PEAK1: variants seen among roughly 807,000 people sequenced by gnomAD.
PEAK1 encodes the protein inactive tyrosine-protein kinase PEAK1.
PEAK1 carries 54 observed loss-of-function variants against 124.7 expected under a neutral mutation model. The observed-to-expected ratio is 0.43, with a 90% confidence interval of 0.35 to 0.54. The LOEUF (loss-of-function observed/expected upper bound fraction) is 0.54, where lower values mean the gene tolerates loss of function less well. PEAK1 is among the 20% of genes least tolerant of loss of function. The pLI is 0.01. For missense variants in PEAK1, 2,046 were observed against 2,134.5 expected, an observed-to-expected ratio of 0.96 and a Z score of 0.82; for synonymous variants, 719 against 760.0, an observed-to-expected ratio of 0.95 and a Z score of 0.89.
chr15:77,317,102 G>T (rs1180472018), intron 2 of PEAK1, among the ~76,000 whole-genome samples: 1 of 151,806 alleles, frequency 6.6e-6, no homozygotes, highest in East Asian at 1.9e-4. Flanking sequence ...TAAATAAGAT[G>T]CAAAACAATA....
At position 77,391,887 on chromosome 15, in the gene PEAK1, T is replaced by C. The variant is rs886965385; in HGVS notation, c.-665-26662A>G. On this transcript the variant is annotated intron_variant, in intron 1 of 9. Transcript: ENST00000682557. The stretch of plus-strand genomic sequence containing the variant: ...TGATCACATACATACTAATATCCGA[T>C]TATTCACCTGTAAGTTCTTAAAAAG... Among the ~76,000 whole-genome samples, 23 of 152,222 alleles carry C rather than the reference T, an allele frequency of 1.5e-4. 1 individual carries two copies. The highest frequency in any genetic ancestry group is 1.4e-3 in the Admixed American group (22 of 15,280).
chr15:77,169,648 A>C (rs1464154851), intron 7 of PEAK1, among the ~76,000 whole-genome samples: 1 of 152,228 alleles, frequency 6.6e-6, no homozygotes, highest in African/African-American at 2.4e-5. Flanking sequence ...GATTAGGCAG[A>C]GAGCTCAATC....
chr15:77,321,412 G>A (rs1252903990), intron 2 of PEAK1, among the ~76,000 whole-genome samples: 1 of 152,212 alleles, frequency 6.6e-6, no homozygotes, highest in African/African-American at 2.4e-5. Context: ...GATGGCCAGT[G>A]ATGATGGGCA....
intron 9 of PEAK1, 30 bp downstream of exon 9, chr15:77,132,975 C>A (rs756119649): frequency 6.3e-7 from 1 of 1,578,886 alleles, no homozygotes; most frequent in Non-Finnish European, 8.6e-7. Flanking sequence ...GTGGTTAAGA[C>A]TTAACATGAG....
intron 2 of PEAK1, among the ~76,000 whole-genome samples, chr15:77,329,307 C>CTCAT (rs962855941): frequency 1.3e-5 from 2 of 152,140 alleles, no homozygotes; most frequent in African/African-American, 4.8e-5. Context: ...TATTACAGGA[C>CTCAT]TCAACCTTAC....
intron 2 of PEAK1, among the ~76,000 whole-genome samples, chr15:77,293,688 G>A (rs538232754): frequency 1.3e-5 from 2 of 152,202 alleles, no homozygotes; most frequent in East Asian, 3.9e-4. Flanking sequence ...GAATGTAAAA[G>A]GTTAACTAAA....
chr15:77,375,639 A>T (rs1050509239), intron 1 of PEAK1, among the ~76,000 whole-genome samples: 14 of 152,212 alleles, frequency 9.2e-5, no homozygotes, highest in Non-Finnish European at 1.8e-4. Flanking sequence ...CAAATGATCA[A>T]AAATTAAGCA....
At chr15:77,240,954 C>G (rs1476777359) in intron 6 of PEAK1, among the ~76,000 whole-genome samples, 1 of 152,072 alleles carries the variant, frequency 6.6e-6, no homozygotes, top group Non-Finnish European at 1.5e-5. Context: ...TTTATGAGAT[C>G]TGCTTCACCA....
intron 2 of PEAK1, among the ~76,000 whole-genome samples, chr15:77,315,135 T>C (rs1385188801): frequency 2.0e-5 from 3 of 152,234 alleles, no homozygotes; most frequent in African/African-American, 4.8e-5. Flanking sequence ...AAGAATTATT[T>C]TGTGTCTCAT....
chr15:77,332,190 T>C (rs1352304136), intron 2 of PEAK1: 1 of 975,572 alleles, frequency 1.0e-6, no homozygotes, highest in African/African-American at 1.8e-5. Context: ...TAAGCTTACA[T>C]TTCTCCTCAC....
At chr15:77,329,907 C>T (rs1294973032) in intron 2 of PEAK1, among the ~76,000 whole-genome samples, 1 of 152,080 alleles carries the variant, frequency 6.6e-6, no homozygotes, top group East Asian at 1.9e-4. Context: ...AATTTCCTTC[C>T]TTGATCAATT....
chr15:77,345,998 C>T (rs1221642495), intron 2 of PEAK1: 2 of 985,120 alleles, frequency 2.0e-6, no homozygotes, highest in Non-Finnish European at 2.4e-6. Context: ...TAAATTAATA[C>T]CTGGGGAAAT....
At chr15:77,252,039 T>G (rs1234341755) in intron 6 of PEAK1, among the ~76,000 whole-genome samples, 1 of 152,254 alleles carries the variant, frequency 6.6e-6, no homozygotes, top group African/African-American at 2.4e-5. Flanking sequence ...CTTTAATTCT[T>G]GCCTTCGCAA....
At chr15:77,116,702 AT>A (rs1280725633) in intron 9 of PEAK1, among the ~76,000 whole-genome samples, 12 of 6,184 alleles carry the variant, frequency 1.9e-3, no homozygotes, top group Admixed American at 4.8e-3. Flanking sequence ...AAATCAATCA[AT>A]CTATCTATCT....
chr15:77,415,958 G>A (rs2072850833), intron 1 of PEAK1, among the ~76,000 whole-genome samples: 2 of 152,184 alleles, frequency 1.3e-5, no homozygotes, highest in African/African-American at 4.8e-5. Context: ...CTCCTTCAGA[G>A]TCCTTTGTTG....
At chr15:77,309,766 A>G (rs2152999973) in intron 2 of PEAK1, among the ~76,000 whole-genome samples, 1 of 152,302 alleles carries the variant, frequency 6.6e-6, no homozygotes, top group African/African-American at 2.4e-5. Flanking sequence ...TATTTGCCAT[A>G]AAAAACTATT....
At chr15:77,345,992 T>C (rs2066853352) in intron 2 of PEAK1, 3 of 985,320 alleles carry the variant, frequency 3.0e-6, no homozygotes, top group East Asian at 1.1e-4. Flanking sequence ...ACTGAATAAA[T>C]TAATACCTGG....
chr15:77,352,255 A>T (rs1597401482), intron 2 of PEAK1: 3 of 985,402 alleles, frequency 3.0e-6, no homozygotes, highest in Non-Finnish European at 3.6e-6. Context: ...AGGCAGTAGG[A>T]TTTGGTCCTC....
intron 1 of PEAK1, chr15:77,381,438 A>AT (rs1165238936): frequency 6.3e-6 from 6 of 946,328 alleles, no homozygotes; most frequent in African/African-American, 1.8e-5. Flanking sequence ...AAAAAAAATA[A>AT]TTTTTTCTTT....
Sources: gnomAD v4.1 joint callset for allele counts (sites outside exome capture counted in the v4.1 genomes callset) on GRCh38, gnomAD v4.1.1 for gene constraint, MANE v1.5 for transcripts, NCBI Gene and HGNC (gene_info 2026-07-23, HGNC 2026-07-21) for gene names.